EXOC7: variants seen among roughly 807,000 people sequenced by gnomAD.
EXOC7 encodes exocyst complex component Exo70.
In EXOC7, 51 loss-of-function variants were observed where a neutral mutation model predicts 87.6. The observed-to-expected ratio is 0.58, with a 90% CI of 0.46 to 0.73. EXOC7 has a LOEUF of 0.73. Ranked by LOEUF, EXOC7 falls within the 30% of genes least tolerant of loss-of-function variation. The probability of loss-of-function intolerance (pLI) is 0.00; values close to 1 mark genes in which losing one functional copy is unlikely to be tolerated. For missense variants in EXOC7, 744 were observed against 888.4 expected, an observed-to-expected ratio of 0.84 and a Z score of 2.07; for synonymous variants, 327 against 357.1, an observed-to-expected ratio of 0.92 and a Z score of 0.95.
Position 76,088,050 on chromosome 17 carries a change from C to G in EXOC7, c.1362+10G>C, listed in dbSNP as rs373976994. 9 of 1,613,882 alleles carry G rather than the reference C, an allele frequency of 5.6e-6. No homozygotes were observed. Among genetic ancestry groups the G allele is most frequent in the Middle Eastern group, 1.6e-4 (1 of 6,084 alleles). ...CTCCCCTCTCCCTGGTGTCCTCAGG[C>G]AGCACCCACATTGCTGGTGAGCTCG... On this transcript the variant is annotated intron_variant, in intron 11 of 18. Transcript: ENST00000589210.
intron 15 of EXOC7, chr17:76,084,859 C>G: frequency 5.7e-6 from 3 of 523,128 alleles, no homozygotes; most frequent in Non-Finnish European, 3.4e-6. Flanking sequence ...GATGGAGAAA[C>G]AGATGAGAAA....
At chr17:76,090,879 C>T (rs1410206681) in intron 7 of EXOC7, 8 of 553,752 alleles carry the variant, frequency 1.4e-5, no homozygotes, top group Non-Finnish European at 2.3e-5. Flanking sequence ...TCTGAGTTCA[C>T]ACAGGAGACA....
chr17:76,085,848 G>T, intron 13 of EXOC7, 51 bp from the exon 14 acceptor site: 1 of 1,593,420 alleles, frequency 6.3e-7, no homozygotes, highest in South Asian at 1.1e-5. Context: ...TGACCCAAAC[G>T]ACCCCACCCC....
intron 4 of EXOC7, among the ~76,000 whole-genome samples, chr17:76,099,357 A>T (rs1271335655): frequency 6.6e-6 from 1 of 152,102 alleles, no homozygotes; most frequent in Admixed American, 6.5e-5. Flanking sequence ...AATACAAAAA[A>T]TTAGCTCGGT....
At chr17:76,095,234 T>A (rs1217886861) in intron 5 of EXOC7, among the ~76,000 whole-genome samples, 4 of 151,904 alleles carry the variant, frequency 2.6e-5, no homozygotes. Context: ...AGTGCTGGGA[T>A]TACAGGCATG....
chr17:76,083,919 TCTC>T lies in EXOC7; in HGVS notation c.1952+84_1952+86del, dbSNP rs906953218. The T allele has an allele frequency of 3.4e-6, 5 of 1,483,494 alleles. No individual in the cohort carries two copies. In the African/African-American group the frequency reaches 7.0e-5, roughly 21 times the overall value. 91.9% of individuals were successfully genotyped at this position (1,483,494 alleles called of 1,614,324 possible). On this transcript the variant is annotated intron_variant, in intron 18 of 18. Transcript: ENST00000589210. ...ATCTGCTGCCTAAATCCACCACCCT[TCTC>T]CTTTTTCCCTTGAGGAAGAGGAGCT... is the stretch of plus-strand genomic sequence containing the variant.
Position 76,089,211 on chromosome 17 carries a change from C to T in EXOC7, c.1011G>A (p.Glu337=), listed in dbSNP as rs1265416686. 6.2e-7 allele frequency: 1 copy of T among 1,613,938 alleles called. No individual in the cohort carries two copies. Among genetic ancestry groups the T allele is most frequent in the Admixed American group, 1.7e-5 (1 of 60,018 alleles). ...EYQLLADIIP[E]HHQKKTFDSL... is the part of the protein sequence containing the mutation. ...AGTCGAAGGTCTTCTTCTGGTGGTGCTCGGGGATGATGTCGGCCAGCAGCT... is the reference window on the plus strand; with the variant it reads ...AGTCGAAGGTCTTCTTCTGGTGGTGTTCGGGGATGATGTCGGCCAGCAGCT... The change falls in exon 8 of 19, where the codon GAG becomes GAA. Residue 337 remains glutamate, a synonymous_variant. Coordinates refer to ENST00000589210, the MANE Select transcript of EXOC7 (RefSeq NM_001013839.4).
At position 76,088,803 on chromosome 17, in the gene EXOC7, G is replaced by T; in HGVS notation, c.1168C>A (p.Gln390Lys). ...ACCTGGTCAAACTCAGGCTTGGTCTGCTTGAGGTGTCGCAGGATGGGGAAG... is the reference window on the plus strand; with the variant it reads ...ACCTGGTCAAACTCAGGCTTGGTCTTCTTGAGGTGTCGCAGGATGGGGAAG... ...TVFPILRHLK[Q>K]TKPEFDQVLQ... Residue 390 changes from glutamine (Q) to lysine (K), a missense_variant, in exon 9 of 19, where the codon CAG (glutamine) becomes AAG (lysine). Physicochemically the swap from Gln to Lys is moderately conservative, Grantham distance 53. This residue lies in a region of EXOC7 where 512 missense variants were observed against 573.0 expected (regional missense o/e 0.89). Coordinates refer to ENST00000589210, the MANE Select transcript of EXOC7 (RefSeq NM_001013839.4). The T allele has an allele frequency of 6.2e-7, 1 of 1,613,884 alleles. No individual in the cohort carries two copies. The highest frequency in any genetic ancestry group is 8.5e-7 in the Non-Finnish European group (1 of 1,180,036).
intron 9 of EXOC7, 99 bp downstream of exon 9, chr17:76,088,672 G>T: frequency 6.3e-7 from 1 of 1,595,196 alleles, no homozygotes; most frequent in South Asian, 1.1e-5. Flanking sequence ...GCAGAAGTGT[G>T]GGACAGAGAA....
At position 76,086,015 on chromosome 17, in the gene EXOC7, A is replaced by G. The variant is rs373335823; in HGVS notation, c.1495+65T>C. On this transcript the variant is annotated intron_variant, in intron 13 of 18. Transcript: ENST00000589210. ...CTGGGAATAGCCAGAGAGCACAGAC[A>G]GAAGGAAGGGAAAGGCAGGGCATGC... is the stretch of plus-strand genomic sequence containing the variant. 246 of 1,585,210 alleles carry G rather than the reference A, an allele frequency of 1.6e-4. 1 individual carries two copies. Among genetic ancestry groups the G allele is most frequent in the Non-Finnish European group, 1.8e-4 (210 of 1,161,210 alleles).
rs1472636535 is a variant in EXOC7, at chr17:76,085,817, G to A, written c.1496-20C>T. ...CTTTACCTGCACAGGGAAAAATGGG[G>A]CCACACCCACCATGGCAGTCTGACC... On this transcript the variant is annotated intron_variant, in intron 13 of 18. Coordinates refer to ENST00000589210, the MANE Select transcript of EXOC7 (RefSeq NM_001013839.4). 6.2e-6 allele frequency: 10 copies of A among 1,605,778 alleles called. No homozygotes were observed. Among genetic ancestry groups the A allele is most frequent in the Non-Finnish European group, 8.5e-6 (10 of 1,176,232 alleles).
At chr17:76,098,145 T>C (rs1231612087) in intron 4 of EXOC7, 127 bp from the exon 5 acceptor site, 2 of 635,272 alleles carry the variant, frequency 3.1e-6, no homozygotes, top group East Asian at 3.2e-5. Context: ...CCTGATATCT[T>C]TTTTTTTTTT....
chr17:76,094,216 TGGAA>T, intron 6 of EXOC7, 194 bp downstream of exon 6: 1 of 549,626 alleles, frequency 1.8e-6, no homozygotes, highest in Non-Finnish European at 3.1e-6. Context: ...CTCTGCTAGC[TGGAA>T]GGAAGAGTCT....
At position 76,087,116 on chromosome 17, in the gene EXOC7, G is replaced by C. The variant is rs2067247124; in HGVS notation, c.1429+538C>G. 2.6e-5 allele frequency among the ~76,000 whole-genome samples: 4 copies of C among 152,338 alleles called. No individual in the cohort carries two copies. The South Asian group carries it at 8.3e-4, about 32-fold the overall frequency. On this transcript the variant is annotated intron_variant, in intron 12 of 18. Coordinates refer to ENST00000589210, the MANE Select transcript of EXOC7 (RefSeq NM_001013839.4). ...GAGAGCTGAGAACTGCAGGCTGGAG[G>C]CTGCCCACAGGCTCCTTGCCCCCAA...
At position 76,084,584 on chromosome 17, in the gene EXOC7, C is replaced by T; in HGVS notation, c.1713-4G>A. 1 of 1,612,216 alleles carries T rather than the reference C, an allele frequency of 6.2e-7. No homozygotes were observed. Among genetic ancestry groups the T allele is most frequent in the Non-Finnish European group, 8.5e-7 (1 of 1,178,568 alleles). On this transcript the variant is annotated splice_region_variant and splice_polypyrimidine_tract_variant and intron_variant, in intron 15 of 18. Transcript: ENST00000589210. ...GTAATCAGTCACCTTTAACCAGCTG[C>T]CAGACAGAAAGAGAAGCATGAGGGC...
chr17:76,090,554 C>G (rs1334827831), intron 7 of EXOC7: 4 of 1,404,782 alleles, frequency 2.8e-6, no homozygotes, highest in Non-Finnish European at 3.9e-6. Flanking sequence ...AGCCCCTCCT[C>G]TACCTCAAGC....
chr17:76,100,850 G>A (rs143214082), intron 4 of EXOC7, among the ~76,000 whole-genome samples: 8,337 of 151,516 alleles, frequency 0.055, 779 homozygotes, highest in African/African-American at 0.19. Flanking sequence ...GTGCGGTGGC[G>A]AGTGCCTGTA....
rs2144561336 is a variant in EXOC7 at position 76,081,077 on chromosome 17, C to T, written c.*2571G>A. The T allele has an allele frequency of 1.6e-6, 1 of 607,962 alleles. No homozygotes were observed. Among genetic ancestry groups the T allele is most frequent in the Non-Finnish European group, 2.9e-6 (1 of 345,308 alleles). The allele number at this position is 607,962 out of a possible 1,614,324, so 37.7% of individuals were successfully genotyped here. ...AGCTCATCTATGAATCTGATAAAGG[C>T]CTTCCTTCAACTGGAGACAATTTGG... On this transcript the variant is annotated 3_prime_UTR_variant, in exon 19 of 19. Coordinates refer to ENST00000589210, the MANE Select transcript of EXOC7 (RefSeq NM_001013839.4).
At chr17:76,087,434 T>C (rs746085270) in intron 12 of EXOC7, 5 of 579,906 alleles carry the variant, frequency 8.6e-6, no homozygotes, top group South Asian at 4.4e-5. Context: ...GCGAGGACGG[T>C]CAAAGGGGCT....
Sources: allele counts gnomAD v4.1 joint callset (sites outside exome capture counted in the v4.1 genomes callset), GRCh38; gene constraint gnomAD v4.1.1; regional missense constraint gnomAD v4.1.1; transcripts MANE v1.5; gene names NCBI Gene and HGNC (gene_info 2026-07-23, HGNC 2026-07-21).